The following SEC14L5 variants were observed in gnomAD, a reference collection of about 807,000 sequenced individuals.
SEC14L5 encodes SEC14 like lipid binding 5, also known as SEC14-like protein 5.
Under a neutral mutation model 84.6 loss-of-function variants are expected in SEC14L5, and 96 were observed. The ratio of observed to expected loss-of-function variants is 1.13; its 90% confidence interval spans 0.96 to 1.34. The LOEUF (loss-of-function observed/expected upper bound fraction) is 1.34. Among genes scored for constraint, SEC14L5 ranks in the 40% most tolerant of loss-of-function variants. SEC14L5 has a pLI of 0.00. For missense variants in SEC14L5, 1,224 were observed against 942.5 expected, an observed-to-expected ratio of 1.30 and a Z score of -3.91; for synonymous variants, 546 against 383.4, an observed-to-expected ratio of 1.42 and a Z score of -4.95.
chr16:4,996,392 C>T lies in SEC14L5; in HGVS notation c.712C>T (p.Leu238Phe). ...ADYIERCLGH[L>F]TPMQESCLIQ... ...CTACATTGAGAGGTGCCTGGGCCAC[C>T]TCACGCCCATGCAGGAGAGCTGCCT... is the stretch of plus-strand genomic sequence containing the variant. Residue 238 changes from leucine to phenylalanine, a missense_variant, in exon 7 of 16, where the codon CTC (leucine) becomes TTC (phenylalanine). Leu to Phe is a conservative substitution (Grantham distance 22, BLOSUM62 0). Transcript: ENST00000251170. 1.3e-6 allele frequency: 2 copies of T among 1,570,522 alleles called. No individual in the cohort carries two copies. Among genetic ancestry groups the T allele is most frequent in the South Asian group, 2.4e-5 (2 of 84,922 alleles).
At chr16:4,988,326 G>T (rs779352574) in intron 4 of SEC14L5, 46 bp downstream of exon 4, 1 of 1,599,784 alleles carries the variant, frequency 6.3e-7, no homozygotes, top group African/African-American at 1.3e-5. Flanking sequence ...ACCCACCTGC[G>T]CCCGGCACCC....
rs771086082 is a variant in SEC14L5 at position 4,988,216 on chromosome 16, T to C, written c.281T>C (p.Leu94Pro). 6 of 1,611,780 alleles carry C rather than the reference T, an allele frequency of 3.7e-6. No homozygotes were observed. The South Asian group carries it at 6.6e-5, about 18-fold the overall frequency. Residue 94 changes from leucine to proline, a missense_variant, in exon 4 of 16, where the codon CTC (leucine) becomes CCC (proline). Leu to Pro is a moderately conservative substitution (Grantham distance 98, BLOSUM62 -3). Coordinates refer to ENST00000251170, the MANE Select transcript of SEC14L5 (RefSeq NM_014692.2). ...TTGAACTGGAAGGAGAGGACGCTCC[T>C]CATCGAAGCGCACAATGAGACCTTC... ...NILNWKERTL[L>P]IEAHNETFAN...
chr16:5,000,976 G>A, intron 10 of SEC14L5, 51 bp downstream of exon 10: 4 of 1,382,090 alleles, frequency 2.9e-6, no homozygotes, highest in Admixed American at 1.9e-5. Context: ...AAGACGGAGG[G>A]TGGAGAGGGG....
At chr16:4,994,359 C>A (rs775906743) in intron 6 of SEC14L5, among the ~76,000 whole-genome samples, 13 of 151,840 alleles carry the variant, frequency 8.6e-5, no homozygotes, top group Non-Finnish European at 2.9e-5. Context: ...ATGTATTATT[C>A]TTTTTCTTTT....
At chr16:5,012,532 C>G (rs542787247) in intron 15 of SEC14L5, among the ~76,000 whole-genome samples, 1 of 152,360 alleles carries the variant, frequency 6.6e-6, no homozygotes, top group African/African-American at 2.4e-5. Flanking sequence ...ACCAAAGGCT[C>G]ACACCCAAGT....
At chr16:5,006,246 G>C (rs1955730949) in intron 12 of SEC14L5, among the ~76,000 whole-genome samples, 198 bp downstream of exon 12, 1 of 152,250 alleles carries the variant, frequency 6.6e-6, no homozygotes, top group Non-Finnish European at 1.5e-5. Context: ...AGGTGATGCT[G>C]TTCTGAGGTT....
chr16:4,991,689 C>T (rs1224494167), intron 5 of SEC14L5, 149 bp from the exon 6 acceptor site: 1 of 510,972 alleles, frequency 2.0e-6, no homozygotes, highest in Admixed American at 3.7e-5. Context: ...CGCAGCTTCT[C>T]TCCATCCCGA....
At position 5,015,008 on chromosome 16, in the gene SEC14L5, G is replaced by C. The variant is rs564386315; in HGVS notation, c.*38G>C. On this transcript the variant is annotated 3_prime_UTR_variant, in exon 16 of 16. Transcript: ENST00000251170. ...TTTCAGGGCCGCCCGCTCGCCTCCAGTGTCCAGAAATGTCCAGAATGAGAA... is the reference window on the plus strand; with the variant it reads ...TTTCAGGGCCGCCCGCTCGCCTCCACTGTCCAGAAATGTCCAGAATGAGAA... The C allele has an allele frequency of 1.3e-6, 2 of 1,501,656 alleles. No homozygotes were observed. Among genetic ancestry groups the C allele is most frequent in the Admixed American group, 1.7e-5 (1 of 59,546 alleles). 93.0% of individuals were successfully genotyped at this position (1,501,656 alleles called of 1,614,324 possible).
At chr16:5,013,331 G>C (rs114032220) in intron 15 of SEC14L5, among the ~76,000 whole-genome samples, 3,192 of 152,220 alleles carry the variant, frequency 0.021, 116 homozygotes, top group African/African-American at 0.071. Context: ...TATGGAACGT[G>C]ACACTGGACT....
At chr16:5,010,188 C>CAA (rs59942135) in intron 14 of SEC14L5, among the ~76,000 whole-genome samples, 2 of 43,646 alleles carry the variant, frequency 4.6e-5, no homozygotes, top group African/African-American at 1.3e-4. Context: ...ACTAAAAATA[C>CAA]AAAAAAAAAA....
intron 11 of SEC14L5, 40 bp downstream of exon 11, chr16:5,003,613 G>T: frequency 2.2e-6 from 2 of 912,066 alleles, no homozygotes; most frequent in South Asian, 1.6e-5. Flanking sequence ...CCCTGGGGGT[G>T]GGTGGGATGG....
Position 5,000,769 on chromosome 16 carries a change from C to T in SEC14L5, c.1059+26C>T, listed in dbSNP as rs746999186. On this transcript the variant is annotated intron_variant, in intron 9 of 15. Coordinates refer to ENST00000251170, the MANE Select transcript of SEC14L5 (RefSeq NM_014692.2). Reference sequence around the variant, plus strand: ...GTGAGTCAGGGGCCTCGTTCCTGGACGCCGTGCCTGGGGCCGGGCCTGGGA... The same window carrying T: ...GTGAGTCAGGGGCCTCGTTCCTGGATGCCGTGCCTGGGGCCGGGCCTGGGA... The T allele has an allele frequency of 7.1e-5, 110 of 1,553,482 alleles. No homozygotes were observed. The East Asian group carries it at 1.6e-3, about 22-fold the overall frequency.
intron 2 of SEC14L5, among the ~76,000 whole-genome samples, chr16:4,967,855 C>CTCG (rs1955223946): frequency 6.7e-6 from 1 of 150,280 alleles, no homozygotes. Flanking sequence ...GATCCACCTA[C>CTCG]CTCGGCCTCC....
intron 2 of SEC14L5, among the ~76,000 whole-genome samples, chr16:4,961,270 C>G (rs1955117591): frequency 6.6e-6 from 1 of 151,578 alleles, no homozygotes; most frequent in Non-Finnish European, 1.5e-5. Flanking sequence ...GAGACTCCGT[C>G]TCAACAACAA....
rs973771973 is a variant in SEC14L5 at position 5,004,278 on chromosome 16, G to C, written c.1302+705G>C. On this transcript the variant is annotated intron_variant, in intron 11 of 15. Transcript: ENST00000251170. ...GCTTTTGTGGGTGCTTCAAGGCTCT[G>C]TTCAGGTGAGGCTAGGGGGCAGGAG... Among the ~76,000 whole-genome samples the C allele has an allele frequency of 2.0e-5, 3 of 152,168 alleles. No individual in the cohort carries two copies. In the East Asian group the frequency reaches 5.8e-4, roughly 29 times the overall value.
chr16:4,994,274 C>G (rs1304555469), intron 6 of SEC14L5, among the ~76,000 whole-genome samples: 1 of 152,200 alleles, frequency 6.6e-6, no homozygotes, highest in African/African-American at 2.4e-5. Flanking sequence ...CTCTGACACA[C>G]TTGGGTGGCA....
Position 5,015,152 on chromosome 16 carries a change from G to C in SEC14L5, c.*182G>C. On this transcript the variant is annotated 3_prime_UTR_variant, in exon 16 of 16. Coordinates refer to ENST00000251170, the MANE Select transcript of SEC14L5 (RefSeq NM_014692.2). ...CAGAACTGGCCTGTGGGTGGTGTCA[G>C]GGCTCTTGAAATTGCAAGGACAGAA... 1 of 593,978 alleles carries C rather than the reference G, an allele frequency of 1.7e-6. No homozygotes were observed. The highest frequency in any genetic ancestry group is 3.0e-6 in the Non-Finnish European group (1 of 335,366). The allele number at this position is 593,978 out of a possible 1,614,324, so 36.8% of individuals were successfully genotyped here. A position where few individuals can be genotyped will look rare whatever the true frequency, so the allele number is the denominator to read the frequency against.
intron 2 of SEC14L5, among the ~76,000 whole-genome samples, chr16:4,983,106 G>A (rs1374446912): frequency 6.6e-6 from 1 of 152,014 alleles, no homozygotes; most frequent in Admixed American, 6.6e-5. Flanking sequence ...GGGTTCAAGC[G>A]ATTCTCCTGC....
intron 2 of SEC14L5, among the ~76,000 whole-genome samples, chr16:4,987,312 A>G: frequency 6.6e-6 from 1 of 152,014 alleles, no homozygotes; most frequent in East Asian, 1.9e-4. Context: ...TTCTGAGGGC[A>G]AAAACTCAAA....
Sources: allele counts gnomAD v4.1 joint callset (sites outside exome capture counted in the v4.1 genomes callset), GRCh38; gene constraint gnomAD v4.1.1; transcripts MANE v1.5; gene names NCBI Gene and HGNC (gene_info 2026-07-23, HGNC 2026-07-21).